Variants in DLG2 observed in about 807,000 individuals in gnomAD.
DLG2 encodes discs large MAGUK scaffold protein 2.
In DLG2, 45 loss-of-function variants were observed where a neutral mutation model predicts 132.5. The observed-to-expected ratio is 0.34, with a 90% CI of 0.27 to 0.44. The LOEUF (loss-of-function observed/expected upper bound fraction) is 0.44, where lower values mean the gene tolerates loss of function less well. Among genes scored for constraint, DLG2 ranks in the 20% least tolerant of loss-of-function variants. DLG2 has a pLI of 1.00. For synonymous variants in DLG2, 424 were observed against 419.6 expected (o/e 1.01, Z -0.13); for missense variants, 1,045 against 1,196.9 (o/e 0.87, Z 1.87).
intron 6 of DLG2, chr11:84,640,527 G>GC: frequency 2.8e-6 from 1 of 361,566 alleles, no homozygotes; most frequent in Non-Finnish European, 5.2e-6. Flanking sequence ...TGGTATCTAT[G>GC]TGTCTGAAAA....
At chr11:84,531,083 T>G (rs1253659546) in intron 7 of DLG2, among the ~76,000 whole-genome samples, 1 of 151,898 alleles carries the variant, frequency 6.6e-6, no homozygotes, top group African/African-American at 2.4e-5. Flanking sequence ...GCCACTGCAC[T>G]CCAGCCTGGG....
intron 6 of DLG2, among the ~76,000 whole-genome samples, chr11:84,869,589 T>G (rs2085150255): frequency 6.6e-6 from 1 of 152,186 alleles, no homozygotes; most frequent in Non-Finnish European, 1.5e-5. Context: ...AACCTAAGCA[T>G]GTAGAGAAGA....
intron 3 of DLG2, among the ~76,000 whole-genome samples, chr11:85,489,812 T>C (rs555634204): frequency 6.6e-6 from 1 of 152,326 alleles, no homozygotes; most frequent in Non-Finnish European, 1.5e-5. Flanking sequence ...TGCTCCTAAA[T>C]TATCACTGTG....
chr11:85,182,197 A>ACAAATAT (rs2079759879), intron 4 of DLG2, among the ~76,000 whole-genome samples: 2 of 151,886 alleles, frequency 1.3e-5, no homozygotes, highest in Non-Finnish European at 2.9e-5. Flanking sequence ...CAAATATCTT[A>ACAAATAT]CGAGGGAACT....
At chr11:85,502,962 A>T (rs551506575) in intron 3 of DLG2, among the ~76,000 whole-genome samples, 27 of 152,218 alleles carry the variant, frequency 1.8e-4, no homozygotes, top group African/African-American at 5.8e-4. Flanking sequence ...TTACAGCATA[A>T]TCCTGCAATA....
chr11:84,029,545 A>G (rs1362195593), intron 11 of DLG2, among the ~76,000 whole-genome samples: 1 of 152,136 alleles, frequency 6.6e-6, no homozygotes, highest in Non-Finnish European at 1.5e-5. Context: ...GTTGGAGTGG[A>G]TGAGCTTTAC....
chr11:83,914,500 A>C (rs1254191585), intron 15 of DLG2, among the ~76,000 whole-genome samples: 1 of 152,192 alleles, frequency 6.6e-6, no homozygotes, highest in Non-Finnish European at 1.5e-5. Context: ...GATTTGCCTT[A>C]ACTTGATCTC....
intron 6 of DLG2, among the ~76,000 whole-genome samples, chr11:84,753,765 G>A (rs2066489787): frequency 6.6e-6 from 1 of 152,168 alleles, no homozygotes. Context: ...AGAAGGCTAA[G>A]CCTTGGTCAA....
At chr11:83,995,831 C>G (rs1842964) in intron 11 of DLG2, among the ~76,000 whole-genome samples, 149,725 of 152,282 alleles carry the variant, frequency 0.98, 73,610 homozygotes, top group East Asian at 1. Flanking sequence ...AATCAAAAGG[C>G]ATTAAAGACT....
chr11:83,596,819 T>C (rs538902709), intron 19 of DLG2, among the ~76,000 whole-genome samples: 3 of 14,058 alleles, frequency 2.1e-4, no homozygotes, highest in Admixed American at 8.1e-4. Context: ...TCTTTTTCTG[T>C]TTTTTTTCTG....
intron 10 of DLG2, among the ~76,000 whole-genome samples, chr11:84,096,766 A>G (rs2154176299): frequency 6.6e-6 from 1 of 152,300 alleles, no homozygotes; most frequent in South Asian, 2.1e-4. Context: ...CATCTTTTTC[A>G]AACCTTTCAC....
intron 7 of DLG2, among the ~76,000 whole-genome samples, chr11:84,346,792 G>T (rs950304518): frequency 6.6e-6 from 1 of 152,088 alleles, no homozygotes; most frequent in Admixed American, 6.5e-5. Context: ...TGGCCAGGAT[G>T]GTCTCAATCT....
chr11:85,538,714 A>G (rs2075771410), intron 3 of DLG2, among the ~76,000 whole-genome samples: 1 of 151,880 alleles, frequency 6.6e-6, no homozygotes, highest in Non-Finnish European at 1.5e-5. Context: ...GCTGGAAACC[A>G]TCATTCTCAG....
At chr11:84,322,170 A>C (rs2098408533) in intron 7 of DLG2, among the ~76,000 whole-genome samples, 1 of 152,234 alleles carries the variant, frequency 6.6e-6, no homozygotes, top group African/African-American at 2.4e-5. Context: ...TCACATCAAT[A>C]TAGGTATTCT....
At chr11:83,571,592 CAAAA>C (rs71066051) in intron 19 of DLG2, among the ~76,000 whole-genome samples, 32 of 113,830 alleles carry the variant, frequency 2.8e-4, no homozygotes, top group African/African-American at 7.1e-4. Flanking sequence ...GACTCCGTCT[CAAAA>C]AAAAAAAAAA....
Position 84,213,931 on chromosome 11 carries a change from G to T in DLG2, c.573+37307C>A, listed in dbSNP as rs2096793983. 2.0e-5 allele frequency among the ~76,000 whole-genome samples: 3 copies of T among 151,014 alleles called. No individual in the cohort carries two copies. The South Asian group carries it at 6.3e-4, about 31-fold the overall frequency. ...TTTTGTTATTGCACTAGCTTGAATGGAGGACTCTACCAAGAACCATATCAT... is the reference window on the plus strand; with the variant it reads ...TTTTGTTATTGCACTAGCTTGAATGTAGGACTCTACCAAGAACCATATCAT... On this transcript the variant is annotated intron_variant, in intron 8 of 27. Coordinates refer to ENST00000376104, the MANE Select transcript of DLG2 (RefSeq NM_001142699.3).
chr11:83,748,518 A>G (rs1280285905), intron 18 of DLG2, among the ~76,000 whole-genome samples: 3 of 152,174 alleles, frequency 2.0e-5, no homozygotes, highest in African/African-American at 7.2e-5. Flanking sequence ...CTCACTGTTT[A>G]GTGAAGAAGA....
intron 7 of DLG2, among the ~76,000 whole-genome samples, chr11:84,374,086 C>A (rs2098719658): frequency 6.6e-6 from 1 of 152,076 alleles, no homozygotes; most frequent in Non-Finnish European, 1.5e-5. Flanking sequence ...GAGTCAAATC[C>A]CAAATAGCTT....
At chr11:84,278,675 C>T (rs534657546) in intron 7 of DLG2, among the ~76,000 whole-genome samples, 99 of 152,164 alleles carry the variant, frequency 6.5e-4, no homozygotes, top group Non-Finnish European at 1.1e-3. Context: ...ATTGGTTTAA[C>T]ATTTACAAAT....
Sources: gnomAD v4.1 joint callset for allele counts (sites outside exome capture counted in the v4.1 genomes callset) on GRCh38, gnomAD v4.1.1 for gene constraint, MANE v1.5 for transcripts, NCBI Gene and HGNC (gene_info 2026-07-23, HGNC 2026-07-21) for gene names.